KIF24: variants seen among roughly 807,000 people sequenced by gnomAD.
KIF24 encodes kinesin-like protein KIF24.
A neutral mutation model predicts 118.9 loss-of-function variants in KIF24; 81 were observed. The ratio of observed to expected loss-of-function variants is 0.68; its 90% confidence interval spans 0.57 to 0.82. The LOEUF (loss-of-function observed/expected upper bound fraction) is 0.82. Ranked by LOEUF, KIF24 falls within the 40% of genes least tolerant of loss-of-function variation. The pLI is 0.00. For missense variants in KIF24, 1,560 were observed against 1,661.6 expected, an observed-to-expected ratio of 0.94 and a Z score of 1.06; for synonymous variants, 599 against 610.0, an observed-to-expected ratio of 0.98 and a Z score of 0.27.
intron 12 of KIF24, 87 bp downstream of exon 12, chr9:34,254,985 A>C (rs1834764420): frequency 1.1e-6 from 1 of 919,758 alleles, no homozygotes; most frequent in Non-Finnish European, 1.7e-6. Flanking sequence ...CTTTCCCCAC[A>C]CACAGCCACA....
rs374738317 is a variant in KIF24 at position 34,290,597 on chromosome 9, C to CT, written c.912-209dup. Among the ~76,000 whole-genome samples, 1,201 of 137,600 alleles carry CT rather than the reference C, an allele frequency of 8.7e-3. 11 individuals carry two copies. The highest frequency in any genetic ancestry group is 0.046 in the East Asian group (219 of 4,802). The allele number at this position is 137,600 out of a possible 152,430, so 90.3% of individuals were successfully genotyped here. Reference sequence around the variant, plus strand: ...TTCTCAAACTACTACACAAGTTTTCCTTTTTTTTTTTTTTTGTTTTTTGAA... The same window carrying CT: ...TTCTCAAACTACTACACAAGTTTTCCTTTTTTTTTTTTTTTTGTTTTTTGAA... On this transcript the variant is annotated intron_variant, in intron 4 of 12. Coordinates refer to ENST00000402558, the MANE Select transcript of KIF24 (RefSeq NM_194313.4).
At chr9:34,329,276 C>T (rs1046707055), upstream of KIF24, among the ~76,000 whole-genome samples, 4 of 152,248 alleles carry the variant, frequency 2.6e-5, no homozygotes, top group Non-Finnish European at 5.9e-5. Context: ...AACGCCCGCG[C>T]TGTGGCCCGC....
chr9:34,256,873 G>A lies in KIF24; in HGVS notation c.2734C>T (p.Pro912Ser). The change falls in exon 11 of 13, where the codon CCA becomes TCA. Residue 912 changes from proline (P) to serine (S), a missense_variant. Pro to Ser is a moderately conservative substitution (Grantham distance 74). Transcript: ENST00000402558. The stretch of plus-strand genomic sequence containing the variant: ...CTCCAGTCCACGGGCCCCTTACTTG[G>A]GCTGCAGCTGTGATCGAGTGCTGCT... The part of the protein sequence containing the change: ...RRAALDHSCS[P>S]SKGPVDWSRE... 6.2e-7 allele frequency: 1 copy of A among 1,613,984 alleles called. No individual in the cohort carries two copies. The highest frequency in any genetic ancestry group is 8.5e-7 in the Non-Finnish European group (1 of 1,179,894).
chr9:34,257,403 T>C lies in KIF24; in HGVS notation c.2204A>G (p.Gln735Arg). The change falls in exon 11 of 13, where the codon CAA (glutamine) becomes CGA (arginine). Residue 735 changes from glutamine (Q) to arginine (R), a missense_variant. By Grantham distance (43) the Gln-to-Arg change is conservative. Around this residue, in one of 3 missense-constraint regions of KIF24, gnomAD observed 964 missense variants for 988.0 expected, o/e 0.98. Coordinates refer to ENST00000402558, the MANE Select transcript of KIF24 (RefSeq NM_194313.4). ...AGCAGGCGTGCCCCTCTGGCTGTCT[T>C]GACTGTACTCAGCCCTGTGGTGGGC... ...GNAHHRAEYS[Q>R]DSQRGTPARP... 1 of 1,614,080 alleles carries C rather than the reference T, an allele frequency of 6.2e-7. No homozygotes were observed. Among genetic ancestry groups the C allele is most frequent in the African/African-American group, 1.3e-5 (1 of 75,070 alleles).
At chr9:34,277,937 C>T (rs913131092) in intron 6 of KIF24, among the ~76,000 whole-genome samples, 22 of 152,066 alleles carry the variant, frequency 1.4e-4, no homozygotes, top group Non-Finnish European at 2.6e-4. Context: ...TGTAGACTAC[C>T]GCAAGTCACT....
intron 6 of KIF24, 37 bp downstream of exon 6, chr9:34,286,580 G>T: frequency 1.4e-6 from 2 of 1,409,912 alleles, no homozygotes; most frequent in Non-Finnish European, 1.0e-6. Context: ...TACTTACACT[G>T]TTGTGGTGGG....
chr9:34,317,793 T>C (rs906202437), intron 1 of KIF24, among the ~76,000 whole-genome samples: 4 of 152,184 alleles, frequency 2.6e-5, no homozygotes, highest in Non-Finnish European at 4.4e-5. Flanking sequence ...AGAGTAGTAA[T>C]GTTGGCAATT....
In KIF24 at chr9:34,286,627, A is replaced by C. The variant is rs1227487144; in HGVS notation, c.1205T>G (p.Leu402Arg). Residue 402 changes from leucine to arginine, a missense_variant, in exon 6 of 13, where the codon CTC becomes CGC. Physicochemically the swap from Leu to Arg is moderately radical, Grantham distance 102 (BLOSUM62 -2). Coordinates refer to ENST00000402558, the MANE Select transcript of KIF24 (RefSeq NM_194313.4). ...GGAAGAATTAATTACCTCTAAGAGG[A>C]GCTCCACACTGTCCACCTGAAGCTC... The part of the protein sequence containing the change: ...LQELQVDSVE[L>R]LLEVILKGSK... 3 of 1,609,240 alleles carry C rather than the reference A, an allele frequency of 1.9e-6. No individual in the cohort carries two copies. The highest frequency in any genetic ancestry group is 1.7e-5 in the Admixed American group (1 of 60,012).
chr9:34,305,049 G>A (rs767041212), intron 3 of KIF24, among the ~76,000 whole-genome samples: 23 of 152,146 alleles, frequency 1.5e-4, no homozygotes, highest in Non-Finnish European at 2.1e-4. Flanking sequence ...TCTGGTTTTA[G>A]ATTACTCACA....
At chr9:34,279,134 C>G (rs1835757587) in intron 6 of KIF24, among the ~76,000 whole-genome samples, 1 of 152,022 alleles carries the variant, frequency 6.6e-6, no homozygotes, top group Non-Finnish European at 1.5e-5. Flanking sequence ...TGTGGTGGTG[C>G]TGGGAAACAT....
At chr9:34,277,479 G>A (rs1334305650) in intron 6 of KIF24, among the ~76,000 whole-genome samples, 5 of 152,152 alleles carry the variant, frequency 3.3e-5, no homozygotes, top group African/African-American at 4.8e-5. Flanking sequence ...ACAAGGAAAC[G>A]TGGATATGAA....
intron 10 of KIF24, among the ~76,000 whole-genome samples, chr9:34,259,150 C>T (rs183104962): frequency 6.6e-6 from 1 of 152,288 alleles, no homozygotes; most frequent in East Asian, 1.9e-4. Flanking sequence ...TCAGTTTATC[C>T]TCTAACATGT....
intron 7 of KIF24, 117 bp downstream of exon 7, chr9:34,271,692 G>C (rs898377632): frequency 1.3e-5 from 14 of 1,047,966 alleles, no homozygotes; most frequent in Admixed American, 5.0e-5. Context: ...ACTCTACTCT[G>C]TATCCCTGCA....
At chr9:34,282,569 G>A (rs926330191) in intron 6 of KIF24, 1 of 152,050 alleles carries the variant, frequency 6.6e-6, no homozygotes, top group Non-Finnish European at 1.5e-5. Context: ...AATGCATGGA[G>A]CGGACAGAGC....
chr9:34,324,753 T>G (rs749791290), intron 1 of KIF24, among the ~76,000 whole-genome samples: 2 of 152,232 alleles, frequency 1.3e-5, no homozygotes, highest in Non-Finnish European at 2.9e-5. Flanking sequence ...CTCTACAGTT[T>G]AGTCAACTTC....
At chr9:34,316,258 C>T (rs1837325157) in intron 1 of KIF24, among the ~76,000 whole-genome samples, 1 of 151,728 alleles carries the variant, frequency 6.6e-6, no homozygotes, top group Non-Finnish European at 1.5e-5. Context: ...TGAGTTTCAC[C>T]TGAACCTGGG....
At chr9:34,312,896 G>T (rs1214988464) in intron 1 of KIF24, among the ~76,000 whole-genome samples, 1 of 152,010 alleles carries the variant, frequency 6.6e-6, no homozygotes, top group African/African-American at 2.4e-5. Flanking sequence ...AAGGAGTTTC[G>T]CCATGTTGGC....
Position 34,257,090 on chromosome 9 carries a change from C to T in KIF24, c.2517G>A (p.Gln839=), listed in dbSNP as rs142087515. 55 of 1,613,936 alleles carry T rather than the reference C, an allele frequency of 3.4e-5. No homozygotes were observed. Among genetic ancestry groups the T allele is most frequent in the Non-Finnish European group, 4.5e-5 (53 of 1,179,900 alleles). ...GGGTGTTCCTTTGCTTTGTGGCCCT[C>T]TGACTAGAGATGTGTGAAAAAGAAT... The part of the protein sequence containing the change: ...SEDSFSHISS[Q]RATKQRNTLE... Residue 839 remains glutamine, a synonymous_variant, in exon 11 of 13, where the codon CAG becomes CAA. Coordinates refer to ENST00000402558, the MANE Select transcript of KIF24 (RefSeq NM_194313.4).
Position 34,310,901 on chromosome 9 carries a change from G to C in KIF24, c.446C>G (p.Thr149Arg). The C allele has an allele frequency of 6.2e-7, 1 of 1,613,840 alleles. No individual in the cohort carries two copies. The highest frequency in any genetic ancestry group is 2.2e-5 in the East Asian group (1 of 44,878). The change falls in exon 2 of 13, where the codon ACA (threonine) becomes AGA (arginine). Residue 149 changes from threonine to arginine, a missense_variant. Physicochemically the swap from Thr to Arg is moderately conservative, Grantham distance 71 (BLOSUM62 -1). This residue lies in a region of KIF24 where 964 missense variants were observed against 988.0 expected (regional missense o/e 0.98). Coordinates refer to ENST00000402558, the MANE Select transcript of KIF24 (RefSeq NM_194313.4). ...TGTGGCATTCAGAATTCCTGTTTTT[G>C]TATGGTACTGGGAATCATCTGGTAG... ...HMLPDDSQYH[T>R]KTGILNATAG...
Sources: allele counts gnomAD v4.1 joint callset (sites outside exome capture counted in the v4.1 genomes callset), GRCh38; gene constraint gnomAD v4.1.1; regional missense constraint gnomAD v4.1.1; transcripts MANE v1.5; gene names NCBI Gene and HGNC (gene_info 2026-07-23, HGNC 2026-07-21).